Variants in FTCD observed in about 807,000 individuals in gnomAD.
The protein encoded by FTCD is formimidoyltransferase cyclodeaminase, also known as formimidoyltransferase-cyclodeaminase.
A neutral mutation model predicts 62.9 loss-of-function variants in FTCD; 76 were observed. That is an observed-to-expected ratio of 1.21 (90% CI 1.00 to 1.46). FTCD has a LOEUF of 1.46. Ranked by LOEUF, FTCD falls within the 40% of genes most tolerant of loss-of-function variation. The pLI is 0.00. For synonymous variants in FTCD, 397 were observed against 336.9 expected (o/e 1.18, Z -1.95); for missense variants, 845 against 751.3 (o/e 1.12, Z -1.46).
downstream of FTCD, chr21:46,136,688 A>G (rs1176982249): frequency 3.4e-6 from 5 of 1,465,142 alleles, no homozygotes; most frequent in Middle Eastern, 2.4e-4. Context: ...CCTGGCTCCC[A>G]TGGGCCACTG....
chr21:46,138,891 C>T lies in FTCD; in HGVS notation c.1293G>A (p.Glu431=). 6.2e-7 allele frequency: 1 copy of T among 1,612,866 alleles called. No homozygotes were observed. The highest frequency in any genetic ancestry group is 8.5e-7 in the Non-Finnish European group (1 of 1,178,984). Residue 431 remains glutamate, a synonymous_variant, in exon 11 of 14, where the codon GAG becomes GAA. Coordinates refer to ENST00000397746, the MANE Select transcript of FTCD (RefSeq NM_206965.2). The stretch of plus-strand genomic sequence containing the variant: ...CCCTCCAGGCTCACCTGTCCTTTTC[C>T]TCAGGTGTGTTCTTGGGGAGCCTCA... ...EAMRLPKNTP[E]EKDRRTAALQ...
In FTCD at chr21:46,137,213, G is replaced by A. The variant is rs149767128; in HGVS notation, c.1539+26C>T. 1.3e-5 allele frequency: 20 copies of A among 1,585,452 alleles called. No individual in the cohort carries two copies. In the African/African-American group the frequency reaches 1.3e-4, roughly 11 times the overall value. ...GAATCCAGGCCCCCACGTGGGGTCC[G>A]GGCACCACACCTGCCTCCTGCTCAC... On this transcript the variant is annotated intron_variant, in intron 13 of 13. Coordinates refer to ENST00000397746, the MANE Select transcript of FTCD (RefSeq NM_206965.2).
rs761059490 is a variant in FTCD at position 46,138,590 on chromosome 21, A to G, written c.1361T>C (p.Leu454Pro). The G allele has an allele frequency of 1.3e-6, 2 of 1,590,478 alleles. No homozygotes were observed. Among genetic ancestry groups the G allele is most frequent in the South Asian group, 1.1e-5 (1 of 89,446 alleles). The stretch of plus-strand genomic sequence containing the variant: ...CCACAGCGAGGCCACCGTCTCCGCC[A>G]GCGTCAGCGGCACAGAGACTGCCCG... The part of the protein sequence containing the change: ...LRRAVSVPLT[L>P]AETVASLWPA... The change falls in exon 12 of 14, where the codon CTG becomes CCG. Residue 454 changes from leucine (L) to proline (P), a missense_variant. Transcript: ENST00000397746.
At chr21:46,143,362 A>AC (rs1326394694) in intron 10 of FTCD, among the ~76,000 whole-genome samples, 3 of 57,312 alleles carry the variant, frequency 5.2e-5, no homozygotes, top group Non-Finnish European at 7.1e-5. Context: ...CTCTCTCCCT[A>AC]CCCCCCCTCC....
intron 4 of FTCD, 38 bp from the exon 5 acceptor site, chr21:46,151,775 C>T (rs200988641): frequency 7.1e-5 from 114 of 1,608,426 alleles, no homozygotes; most frequent in Non-Finnish European, 8.5e-5. Flanking sequence ...ACATCCCCCA[C>T]GGGAGGGAAC....
At chr21:46,137,159 C>T (rs927184843) in intron 13 of FTCD, 80 bp downstream of exon 13, 77 of 1,588,652 alleles carry the variant, frequency 4.8e-5, no homozygotes, top group Middle Eastern at 1.7e-4. Flanking sequence ...CCACTGCCCA[C>T]AGCCAGTCGG....
At chr21:46,147,356 C>A (rs571955625) in intron 7 of FTCD, among the ~76,000 whole-genome samples, 2 of 152,114 alleles carry the variant, frequency 1.3e-5, no homozygotes, top group East Asian at 3.9e-4. Flanking sequence ...AGGCCTCACC[C>A]GACACCGAAT....
intron 10 of FTCD, among the ~76,000 whole-genome samples, chr21:46,141,566 G>A (rs1277731012): frequency 1.3e-5 from 2 of 152,112 alleles, no homozygotes; most frequent in African/African-American, 4.8e-5. Flanking sequence ...CATTTGAACT[G>A]TGATACAAGA....
Position 46,150,182 on chromosome 21 carries a change from C to T in FTCD, c.843G>A (p.Ala281=), listed in dbSNP as rs376851412. 5.0e-6 allele frequency: 8 copies of T among 1,609,728 alleles called. No homozygotes were observed. Among genetic ancestry groups the T allele is most frequent in the African/African-American group, 4.0e-5 (3 of 74,870 alleles). ...GLVPLKALLD[A]AAFYCEKENL... ...TCTCCTTCTCGCAGTAGAAGGCGGC[C>T]GCATCCAGCAGAGCCTTCAGGGGCA... Residue 281 remains alanine (A), a synonymous_variant, in exon 7 of 14, where the codon GCG becomes GCA. Coordinates refer to ENST00000397746, the MANE Select transcript of FTCD (RefSeq NM_206965.2).
chr21:46,152,850 A>G, intron 3 of FTCD, 57 bp downstream of exon 3: 2 of 1,453,206 alleles, frequency 1.4e-6, no homozygotes, highest in South Asian at 2.5e-5. Context: ...AGAAGGAGCC[A>G]ATAACCCACA....
At position 46,154,447 on chromosome 21, in the gene FTCD, C is replaced by T. The variant is rs796270046; in HGVS notation, c.55-115G>A. On this transcript the variant is annotated intron_variant, in intron 1 of 13. Coordinates refer to ENST00000397746, the MANE Select transcript of FTCD (RefSeq NM_206965.2). ...TGGGGGCTGAGGAGGCGGGCCAAGC[C>T]TTTGGGGGCTCTCCGACAAGCTGAG... 1.0e-5 allele frequency: 13 copies of T among 1,267,138 alleles called. No individual in the cohort carries two copies. The African/African-American group carries it at 1.6e-4, about 16-fold the overall frequency. The allele number at this position is 1,267,138 out of a possible 1,614,324, so 78.5% of individuals were successfully genotyped here. A position where few individuals can be genotyped will look rare whatever the true frequency, so the allele number is the denominator to read the frequency against.
Position 46,145,433 on chromosome 21 carries a change from G to T in FTCD, c.1244C>A (p.Ala415Asp), listed in dbSNP as rs753189744. Residue 415 changes from alanine (A) to aspartate (D), a missense_variant, in exon 10 of 14, where the codon GCC becomes GAC. Coordinates refer to ENST00000397746, the MANE Select transcript of FTCD (RefSeq NM_206965.2). ...LTTLVDADAE[A>D]FTAYLEAMRL... ...GCCACTCACCAGGTAGGCGGTGAAG[G>T]CCTCGGCGTCGGCATCCACCAGCGT... 1.3e-6 allele frequency: 2 copies of T among 1,554,528 alleles called. No individual in the cohort carries two copies. The highest frequency in any genetic ancestry group is 1.4e-5 in the African/African-American group (1 of 73,322).
downstream of FTCD, chr21:46,136,730 C>T: frequency 1.4e-6 from 2 of 1,478,174 alleles, no homozygotes. Context: ...CCAAGACCCG[C>T]AGCTCAGCTC....
At chr21:46,143,044 T>C (rs1393187527) in intron 10 of FTCD, among the ~76,000 whole-genome samples, 1 of 152,096 alleles carries the variant, frequency 6.6e-6, no homozygotes, top group Non-Finnish European at 1.5e-5. Context: ...GCTTCACCTC[T>C]CCACAGGACC....
intron 10 of FTCD, among the ~76,000 whole-genome samples, chr21:46,143,242 C>T (rs576812002): frequency 6.6e-6 from 1 of 152,034 alleles, no homozygotes; most frequent in East Asian, 1.9e-4. Flanking sequence ...GAAACACAGG[C>T]GCCCCCACCG....
chr21:46,142,624 C>T (rs116356602), intron 10 of FTCD: 1 of 152,234 alleles, frequency 6.6e-6, no homozygotes, highest in African/African-American at 2.4e-5. Context: ...AGCGAAGGCC[C>T]AAAGAGTAAG....
In FTCD at chr21:46,136,959, A is replaced by G. The variant is rs759939591; in HGVS notation, c.*28T>C. 7.4e-6 allele frequency: 12 copies of G among 1,612,786 alleles called. No homozygotes were observed. Among genetic ancestry groups the G allele is most frequent in the East Asian group, 2.2e-5 (1 of 44,874 alleles). The stretch of plus-strand genomic sequence containing the variant: ...TCTGGGGATGGGCGAGGGAGGGGCC[A>G]CAGAGCCCGGAGAGGCCTCCCGCAC... On this transcript the variant is annotated 3_prime_UTR_variant, in exon 14 of 14. Transcript: ENST00000397746.
intron 10 of FTCD, among the ~76,000 whole-genome samples, chr21:46,140,338 G>C (rs1428608096): frequency 1.3e-5 from 2 of 149,372 alleles, no homozygotes; most frequent in Non-Finnish European, 3.0e-5. Flanking sequence ...TGCTCAGAGG[G>C]AGTGTAAACC....
At chr21:46,151,803 GGAA>G (rs1352597882) in intron 4 of FTCD, 66 bp from the exon 5 acceptor site, 5 of 1,593,204 alleles carry the variant, frequency 3.1e-6, no homozygotes, top group Non-Finnish European at 4.3e-6. Context: ...CGGGGTCCCG[GGAA>G]GGAGGGGCCC....
Sources: gnomAD v4.1 joint callset for allele counts (sites outside exome capture counted in the v4.1 genomes callset) on GRCh38, gnomAD v4.1.1 for gene constraint, MANE v1.5 for transcripts, NCBI Gene and HGNC (gene_info 2026-07-23, HGNC 2026-07-21) for gene names.